VAT1L: variants seen among roughly 807,000 people sequenced by gnomAD.
The protein encoded by VAT1L is vesicle amine transport 1 like.
In VAT1L, 34 loss-of-function variants were observed where a neutral mutation model predicts 44.1. The ratio of observed to expected loss-of-function variants is 0.77; its 90% CI spans 0.59 to 1.03. VAT1L has a LOEUF of 1.03. VAT1L is among the 50% of genes least tolerant of loss of function. The pLI, the probability that VAT1L is intolerant of heterozygous loss-of-function variation, is 0.00. For synonymous variants in VAT1L, 253 were observed against 202.2 expected (o/e 1.25, Z -2.13); for missense variants, 615 against 538.8 (o/e 1.14, Z -1.40).
chr16:77,888,372 C>G (rs149169418), intron 7 of VAT1L, among the ~76,000 whole-genome samples: 3 of 152,282 alleles, frequency 2.0e-5, no homozygotes, highest in African/African-American at 7.2e-5. Context: ...GGAATAGGTG[C>G]TCAGTACATA....
chr16:77,968,581 C>T (rs1360458648), intron 7 of VAT1L, among the ~76,000 whole-genome samples: 1 of 151,970 alleles, frequency 6.6e-6, no homozygotes, highest in Non-Finnish European at 1.5e-5. Flanking sequence ...AAAAATTAGC[C>T]GGGCGTGGTG....
At position 77,952,075 on chromosome 16, in the gene VAT1L, T is replaced by C. The variant is rs141874387; in HGVS notation, c.1078-19775T>C. 1.0e-3 allele frequency among the ~76,000 whole-genome samples: 153 copies of C among 152,302 alleles called. 2 individuals are homozygous for C. In the East Asian group the frequency reaches 0.026, roughly 26 times the overall value. On this transcript the variant is annotated intron_variant, in intron 7 of 8. Coordinates refer to ENST00000302536, the MANE Select transcript of VAT1L (RefSeq NM_020927.3). The stretch of plus-strand genomic sequence containing the variant: ...GCTTATGGAAGTTAGGCTCTTATCC[T>C]TCCCAGAGACTGGGAGATAGGGATG...
At chr16:77,848,302 T>A (rs1487586652) in intron 3 of VAT1L, among the ~76,000 whole-genome samples, 1 of 152,196 alleles carries the variant, frequency 6.6e-6, no homozygotes, top group African/African-American at 2.4e-5. Flanking sequence ...AGGAGGAAGC[T>A]GAGTCAGGAA....
chr16:77,906,962 T>C (rs952107090), intron 7 of VAT1L, among the ~76,000 whole-genome samples: 142 of 152,296 alleles, frequency 9.3e-4, no homozygotes, highest in African/African-American at 3.3e-3. Context: ...TCAATTTCTT[T>C]CATGGGATAA....
intron 1 of VAT1L, among the ~76,000 whole-genome samples, chr16:77,792,706 C>A (rs1189785288): frequency 1.3e-5 from 2 of 152,158 alleles, no homozygotes; most frequent in African/African-American, 4.8e-5. Context: ...GGGATGGGCA[C>A]CTGCCCATAG....
At chr16:77,795,957 C>G (rs527645698) in intron 1 of VAT1L, among the ~76,000 whole-genome samples, 7 of 151,638 alleles carry the variant, frequency 4.6e-5, no homozygotes, top group African/African-American at 1.7e-4. Flanking sequence ...TCCCAAGTAG[C>G]TGGGATTACA....
chr16:77,960,164 C>G (rs2018145779), intron 7 of VAT1L, among the ~76,000 whole-genome samples: 1 of 152,106 alleles, frequency 6.6e-6, no homozygotes, highest in Non-Finnish European at 1.5e-5. Flanking sequence ...TTGGATAAAG[C>G]CCATGGCTCC....
chr16:77,796,392 C>T (rs1459416418), intron 1 of VAT1L, among the ~76,000 whole-genome samples: 2 of 152,170 alleles, frequency 1.3e-5, no homozygotes, highest in African/African-American at 4.8e-5. Flanking sequence ...TTCACCACCC[C>T]ATGGGGTAGG....
chr16:77,911,156 C>A (rs1282694149), intron 7 of VAT1L, among the ~76,000 whole-genome samples: 1 of 152,218 alleles, frequency 6.6e-6, no homozygotes, highest in Non-Finnish European at 1.5e-5. Flanking sequence ...AGAATCCTAG[C>A]TGATTCACAA....
chr16:77,788,643 G>A lies in VAT1L; in HGVS notation c.-40G>A, dbSNP rs745550550. 1.3e-6 allele frequency: 2 copies of A among 1,542,420 alleles called. No individual in the cohort carries two copies. Among genetic ancestry groups the A allele is most frequent in the Non-Finnish European group, 1.7e-6 (2 of 1,143,574 alleles). ...CCACTCCCCCAGCGCCGCAGCCACC[G>A]CAGCCACCGCAGCCCGTGCGCCCCG... On this transcript the variant is annotated 5_prime_UTR_variant, in exon 1 of 9. Transcript: ENST00000302536.
At chr16:77,965,805 G>A (rs186847964) in intron 7 of VAT1L, among the ~76,000 whole-genome samples, 2 of 152,302 alleles carry the variant, frequency 1.3e-5, no homozygotes, top group East Asian at 3.9e-4. Flanking sequence ...ACATCTCACT[G>A]TCTCCACATA....
intron 7 of VAT1L, among the ~76,000 whole-genome samples, chr16:77,969,545 C>T (rs1180977719): frequency 2.0e-5 from 3 of 152,076 alleles, no homozygotes; most frequent in Non-Finnish European, 2.9e-5. Flanking sequence ...CAGCTCACAA[C>T]ATGGCAGTTT....
intron 3 of VAT1L, among the ~76,000 whole-genome samples, chr16:77,832,449 G>A (rs941871998): frequency 6.6e-6 from 1 of 152,156 alleles, no homozygotes; most frequent in Non-Finnish European, 1.5e-5. Context: ...ACTTCCTCTA[G>A]TCTGGTCCCA....
chr16:77,842,382 A>T (rs2016716094), intron 3 of VAT1L, among the ~76,000 whole-genome samples: 1 of 152,222 alleles, frequency 6.6e-6, no homozygotes, highest in African/African-American at 2.4e-5. Context: ...TTGCATTGAG[A>T]GGGCTCCCAG....
intron 7 of VAT1L, among the ~76,000 whole-genome samples, chr16:77,912,418 G>C (rs960008317): frequency 2.0e-5 from 3 of 152,138 alleles, no homozygotes; most frequent in African/African-American, 4.8e-5. Context: ...ATGGGGACAA[G>C]GTGGTTCATT....
At chr16:77,923,406 T>C (rs757190887) in intron 7 of VAT1L, among the ~76,000 whole-genome samples, 5 of 152,148 alleles carry the variant, frequency 3.3e-5, no homozygotes, top group African/African-American at 4.8e-5. Flanking sequence ...GCCAAGATCA[T>C]GCCATTGCAT....
chr16:77,961,995 G>A (rs937110554), intron 7 of VAT1L, among the ~76,000 whole-genome samples: 10 of 152,142 alleles, frequency 6.6e-5, no homozygotes, highest in Admixed American at 6.5e-4. Context: ...TGTGTCTAGA[G>A]TATCATAGTC....
intron 4 of VAT1L, among the ~76,000 whole-genome samples, chr16:77,867,726 G>A (rs1229133546): frequency 5.9e-5 from 9 of 152,030 alleles, no homozygotes; most frequent in African/African-American, 2.2e-4. Context: ...AGGTGAGGTG[G>A]TGCACACCTG....
At chr16:77,873,227 A>AT (rs2017050646) in intron 4 of VAT1L, among the ~76,000 whole-genome samples, 1 of 152,206 alleles carries the variant, frequency 6.6e-6, no homozygotes. Context: ...TAGACCTAGA[A>AT]TTGAATTCCA....
Sources: gnomAD v4.1 joint callset for allele counts (sites outside exome capture counted in the v4.1 genomes callset) on GRCh38, gnomAD v4.1.1 for gene constraint, MANE v1.5 for transcripts, NCBI Gene and HGNC (gene_info 2026-07-23, HGNC 2026-07-21) for gene names.